ERBB4: variants seen among roughly 807,000 people sequenced by gnomAD.
ERBB4 encodes erb-b2 receptor tyrosine kinase 4.
ERBB4 carries 42 observed loss-of-function variants against 158.0 expected under a neutral mutation model. The ratio of observed to expected loss-of-function variants is 0.27; its 90% CI spans 0.21 to 0.34. ERBB4 has a LOEUF of 0.34. Ranked by LOEUF, ERBB4 falls within the 10% of genes least tolerant of loss-of-function variation. The pLI, the probability that ERBB4 is intolerant of heterozygous loss-of-function variation, is 1.00. For synonymous variants in ERBB4, 583 were observed against 558.7 expected (o/e 1.04, Z -0.61); for missense variants, 1,333 against 1,624.1 (o/e 0.82, Z 3.08).
intron 1 of ERBB4, among the ~76,000 whole-genome samples, chr2:212,147,422 G>A (rs1324648273): frequency 6.6e-6 from 1 of 151,868 alleles, no homozygotes; most frequent in Non-Finnish European, 1.5e-5. Flanking sequence ...TGATCTGTAA[G>A]GTCACTGTTA....
At chr2:212,145,205 A>G (rs1032577138) in intron 1 of ERBB4, among the ~76,000 whole-genome samples, 1 of 152,188 alleles carries the variant, frequency 6.6e-6, no homozygotes, top group Non-Finnish European at 1.5e-5. Flanking sequence ...AATACTAGAG[A>G]AAGTTTTTAA....
At chr2:211,741,604 A>G (rs1358190287) in intron 5 of ERBB4, among the ~76,000 whole-genome samples, 1 of 151,974 alleles carries the variant, frequency 6.6e-6, no homozygotes, top group East Asian at 1.9e-4. Flanking sequence ...TCCCAGTTTA[A>G]TATTCTTTTT....
intron 1 of ERBB4, among the ~76,000 whole-genome samples, chr2:212,403,475 C>A (rs576452494): frequency 6.6e-6 from 1 of 151,856 alleles, no homozygotes; most frequent in Non-Finnish European, 1.5e-5. Context: ...TTTACAATAT[C>A]CAAGATATGA....
At chr2:212,110,560 A>C (rs2079373344) in intron 2 of ERBB4, among the ~76,000 whole-genome samples, 1 of 152,236 alleles carries the variant, frequency 6.6e-6, no homozygotes, top group African/African-American at 2.4e-5. Flanking sequence ...ACAAACCACC[A>C]CACTAAGGCG....
At chr2:212,331,850 T>C (rs997787653) in intron 1 of ERBB4, among the ~76,000 whole-genome samples, 2 of 152,060 alleles carry the variant, frequency 1.3e-5, no homozygotes, top group African/African-American at 4.8e-5. Context: ...TTTATTTGAC[T>C]AATAACAGAA....
At position 211,877,905 on chromosome 2, in the gene ERBB4, T is replaced by C. The variant is rs182680853; in HGVS notation, c.421+69525A>G. The stretch of plus-strand genomic sequence containing the variant: ...GGCGGGTCACCTGAGGTCAGGTGTT[T>C]GAGACCAGCCTGGCCAACATGGCAA... On this transcript the variant is annotated intron_variant, in intron 3 of 27. Transcript: ENST00000342788. 4.5e-3 allele frequency among the ~76,000 whole-genome samples: 680 copies of C among 152,216 alleles called. 5 individuals are homozygous for C. Among genetic ancestry groups the C allele is most frequent in the African/African-American group, 0.016 (655 of 41,560 alleles).
intron 1 of ERBB4, among the ~76,000 whole-genome samples, chr2:212,474,194 G>A (rs1418022771): frequency 1.3e-5 from 2 of 151,056 alleles, no homozygotes; most frequent in East Asian, 1.9e-4. Context: ...AAAAAATACA[G>A]GCAAAATAGT....
intron 1 of ERBB4, among the ~76,000 whole-genome samples, chr2:212,482,269 T>G (rs1180031344): frequency 6.6e-6 from 1 of 152,230 alleles, no homozygotes; most frequent in Non-Finnish European, 1.5e-5. Flanking sequence ...ATTGAATGTG[T>G]TAAAGTCTGC....
rs533097121 is a variant in ERBB4, at chr2:211,549,098, C to T, written c.2487+12805G>A. 7.3e-4 allele frequency among the ~76,000 whole-genome samples: 111 copies of T among 152,076 alleles called. No individual in the cohort carries two copies. In the Middle Eastern group the frequency reaches 0.02, roughly 28 times the overall value. On this transcript the variant is annotated intron_variant, in intron 20 of 27. Coordinates refer to ENST00000342788, the MANE Select transcript of ERBB4 (RefSeq NM_005235.3). ...AATGTATTATTAAAATATCAATTGA[C>T]GTTTTGTGCTTGCTACTTCTGAATA...
At chr2:211,465,131 G>A (rs775067697) in intron 20 of ERBB4, among the ~76,000 whole-genome samples, 6 of 151,996 alleles carry the variant, frequency 3.9e-5, no homozygotes, top group Non-Finnish European at 7.4e-5. Context: ...ACAGGCATGA[G>A]CCACCACACC....
chr2:211,692,237 CAAAT>C (rs2072850111), intron 12 of ERBB4, among the ~76,000 whole-genome samples: 1 of 152,130 alleles, frequency 6.6e-6, no homozygotes, highest in African/African-American at 2.4e-5. Flanking sequence ...CAGAGTGAAG[CAAAT>C]AGAGGATTGA....
At chr2:211,743,397 C>A (rs1348870366) in intron 5 of ERBB4, among the ~76,000 whole-genome samples, 2 of 151,988 alleles carry the variant, frequency 1.3e-5, no homozygotes, top group Non-Finnish European at 2.9e-5. Context: ...AAAAGGAATG[C>A]GTAAAATGAA....
At chr2:211,490,628 G>C (rs2065316478) in intron 20 of ERBB4, among the ~76,000 whole-genome samples, 1 of 152,010 alleles carries the variant, frequency 6.6e-6, no homozygotes, top group Admixed American at 6.6e-5. Flanking sequence ...CCAGGCTGGA[G>C]GATTAACACC....
At chr2:212,204,499 A>G (rs929605264) in intron 1 of ERBB4, among the ~76,000 whole-genome samples, 5 of 151,990 alleles carry the variant, frequency 3.3e-5, no homozygotes, top group Non-Finnish European at 7.4e-5. Flanking sequence ...GGAGTTCGAA[A>G]CAAGCCTGGG....
At chr2:212,342,519 A>G (rs2088772273) in intron 1 of ERBB4, among the ~76,000 whole-genome samples, 1 of 152,124 alleles carries the variant, frequency 6.6e-6, no homozygotes, top group Non-Finnish European at 1.5e-5. Context: ...TTCTTTATAA[A>G]TTTCCCAGTC....
At chr2:212,187,659 G>A (rs577306142) in intron 1 of ERBB4, among the ~76,000 whole-genome samples, 1 of 152,148 alleles carries the variant, frequency 6.6e-6, no homozygotes, top group Non-Finnish European at 1.5e-5. Context: ...TTACTAATTT[G>A]TAGAATTAAT....
chr2:211,752,501 A>AG (rs2075162249), intron 4 of ERBB4, among the ~76,000 whole-genome samples: 2 of 143,220 alleles, frequency 1.4e-5, no homozygotes, highest in South Asian at 4.8e-4. Context: ...GAAAAAAAAA[A>AG]AAAAGAAAAG....
intron 20 of ERBB4, among the ~76,000 whole-genome samples, chr2:211,475,699 T>C (rs1161143388): frequency 6.6e-6 from 1 of 152,102 alleles, no homozygotes; most frequent in Admixed American, 6.6e-5. Context: ...TTGTCAAAAT[T>C]GGACTAGACC....
At chr2:211,603,558 G>A (rs984119126) in intron 19 of ERBB4, among the ~76,000 whole-genome samples, 2 of 152,212 alleles carry the variant, frequency 1.3e-5, no homozygotes, top group Admixed American at 6.5e-5. Flanking sequence ...TCTCTGGTTA[G>A]ACTAGAAGTA....
Sources: allele counts gnomAD v4.1 joint callset (sites outside exome capture counted in the v4.1 genomes callset), GRCh38; gene constraint gnomAD v4.1.1; transcripts MANE v1.5; gene names NCBI Gene and HGNC (gene_info 2026-07-23, HGNC 2026-07-21).